Variants in LTBP2 observed in about 807,000 individuals in gnomAD.
LTBP2 encodes the protein latent-transforming growth factor beta-binding protein 2.
In LTBP2, 103 loss-of-function variants were observed where a neutral mutation model predicts 210.6. The observed-to-expected ratio is 0.49, with a 90% confidence interval of 0.42 to 0.58. The LOEUF is 0.58. LTBP2 is among the 20% of genes least tolerant of loss of function. The pLI, the probability that LTBP2 is intolerant of heterozygous loss-of-function variation, is 0.00. For synonymous variants in LTBP2, 1,007 were observed against 1,015.0 expected (o/e 0.99, Z 0.15); for missense variants, 2,313 against 2,494.5 (o/e 0.93, Z 1.55).
chr14:74,523,407 T>C (rs572973156), intron 15 of LTBP2, among the ~76,000 whole-genome samples: 1 of 151,976 alleles, frequency 6.6e-6, no homozygotes, highest in Non-Finnish European at 1.5e-5. Flanking sequence ...GAGACTGGCC[T>C]GTAACAAGGA....
intron 9 of LTBP2, among the ~76,000 whole-genome samples, chr14:74,535,278 A>T (rs986383566): frequency 6.6e-6 from 1 of 152,222 alleles, no homozygotes; most frequent in Admixed American, 6.5e-5. Context: ...CTTGGAGGCC[A>T]TCTGGGTCAA....
intron 10 of LTBP2, among the ~76,000 whole-genome samples, chr14:74,532,194 G>A (rs201232140): frequency 3.3e-5 from 5 of 152,184 alleles, no homozygotes; most frequent in African/African-American, 1.2e-4. Context: ...GCAAAGGCCC[G>A]GAAAAAATGC....
At chr14:74,546,815 C>T (rs897828654) in intron 8 of LTBP2, among the ~76,000 whole-genome samples, 3 of 152,276 alleles carry the variant, frequency 2.0e-5, no homozygotes, top group African/African-American at 7.2e-5. Flanking sequence ...GTGGGCTGAG[C>T]TCTCAAGGCT....
At position 74,528,991 on chromosome 14, in the gene LTBP2, T is replaced by G. The variant is rs145201197; in HGVS notation, c.2119A>C (p.Ser707Arg). 40 of 1,609,806 alleles carry G rather than the reference T, an allele frequency of 2.5e-5. No individual in the cohort carries two copies. The Middle Eastern group carries it at 8.3e-4, about 33-fold the overall frequency. Reference protein sequence around the residue: ...CCSRVGKAWGSECEKCPLPGT... With the variant: ...CCSRVGKAWGRECEKCPLPGT... Reference sequence around the variant, plus strand: ...GGCAGAGGGCATTTCTCACACTCGCTGCCCCATGCTTTGCCCACGCGGCTG... The same window carrying G: ...GGCAGAGGGCATTTCTCACACTCGCGGCCCCATGCTTTGCCCACGCGGCTG... Residue 707 changes from serine to arginine, a missense_variant, in exon 11 of 36, where the codon AGC becomes CGC. Around this residue, in one of 3 missense-constraint regions of LTBP2, gnomAD observed 1,867 missense variants for 1,976.9 expected, o/e 0.94. Transcript: ENST00000261978.
At chr14:74,511,115 G>T (rs1415849322) in intron 19 of LTBP2, 130 bp downstream of exon 19, 3 of 1,451,276 alleles carry the variant, frequency 2.1e-6, no homozygotes, top group Non-Finnish European at 2.9e-6. Flanking sequence ...TGGGAACCCA[G>T]CTAGATCATG....
At chr14:74,536,774 A>C (rs1439569771) in intron 8 of LTBP2, among the ~76,000 whole-genome samples, 1 of 152,206 alleles carries the variant, frequency 6.6e-6, no homozygotes, top group Non-Finnish European at 1.5e-5. Context: ...TGAACCCAGG[A>C]GGGGGAGGTC....
At chr14:74,527,979 T>C (rs2139717795) in intron 12 of LTBP2, among the ~76,000 whole-genome samples, 1 of 152,348 alleles carries the variant, frequency 6.6e-6, no homozygotes, top group African/African-American at 2.4e-5. Context: ...TGGGCATGAC[T>C]TCTCCATGGT....
At chr14:74,564,120 TATA>T (rs2087843387) in intron 3 of LTBP2, among the ~76,000 whole-genome samples, 1 of 53,322 alleles carries the variant, frequency 1.9e-5, no homozygotes, top group South Asian at 5.8e-4. Context: ...TTTATATATA[TATA>T]TTTATATATA....
At chr14:74,537,943 C>T (rs2087443994) in intron 8 of LTBP2, among the ~76,000 whole-genome samples, 1 of 152,120 alleles carries the variant, frequency 6.6e-6, no homozygotes, top group African/African-American at 2.4e-5. Flanking sequence ...TTAGTAGAGA[C>T]AGGGTTTCAC....
intron 2 of LTBP2, among the ~76,000 whole-genome samples, chr14:74,589,124 G>C (rs2088247959): frequency 6.6e-6 from 1 of 152,204 alleles, no homozygotes; most frequent in Non-Finnish European, 1.5e-5. Flanking sequence ...AGCCCACACA[G>C]AATTTTTAAA....
chr14:74,565,421 A>G lies in LTBP2; in HGVS notation c.831-9728T>C, dbSNP rs552115732. On this transcript the variant is annotated intron_variant, in intron 3 of 35. Transcript: ENST00000261978. The stretch of plus-strand genomic sequence containing the variant: ...GAGAGGCGAGCTGGAGGCCAGCTGG[A>G]AGGCTTTGGCTGTGGTCTAGGCTAT... Among the ~76,000 whole-genome samples, 3 of 152,296 alleles carry G rather than the reference A, an allele frequency of 2.0e-5. No individual in the cohort carries two copies. In the South Asian group the frequency reaches 6.2e-4, roughly 32 times the overall value.
At chr14:74,527,467 C>T in intron 12 of LTBP2, 101 bp from the exon 13 acceptor site, 4 of 1,281,038 alleles carry the variant, frequency 3.1e-6, no homozygotes, top group Admixed American at 2.0e-5. Flanking sequence ...CCCCAGACCA[C>T]ATCCCCAGCA....
chr14:74,610,171 T>C (rs998847510), intron 1 of LTBP2, among the ~76,000 whole-genome samples: 3 of 152,224 alleles, frequency 2.0e-5, no homozygotes, highest in African/African-American at 4.8e-5. Flanking sequence ...CTTGCATTAG[T>C]GTGGGCTGGG....
chr14:74,498,200 TA>T lies in LTBP2; in HGVS notation c.*2683del, dbSNP rs1170402168. The T allele has an allele frequency of 5.7e-6, 1 of 175,116 alleles. No individual in the cohort carries two copies. The highest frequency in any genetic ancestry group is 1.2e-5 in the Non-Finnish European group (1 of 81,166). The allele number at this position is 175,116 out of a possible 1,614,324, so 10.8% of individuals were successfully genotyped here. ...CCAGCAACTGTATTTAAAAATATTT[TA>T]TTTTTTTTGAATAGGTGATACATAT... is the stretch of plus-strand genomic sequence containing the variant. On this transcript the variant is annotated 3_prime_UTR_variant, in exon 36 of 36. Coordinates refer to ENST00000261978, the MANE Select transcript of LTBP2 (RefSeq NM_000428.3).
intron 8 of LTBP2, among the ~76,000 whole-genome samples, chr14:74,546,605 C>T (rs78958268): frequency 1.1e-3 from 165 of 152,336 alleles, no homozygotes; most frequent in African/African-American, 3.9e-3. Context: ...GTTCTGAACA[C>T]AGTAGGGGAG....
chr14:74,568,468 A>G (rs1031678449), intron 3 of LTBP2, among the ~76,000 whole-genome samples: 3 of 152,056 alleles, frequency 2.0e-5, no homozygotes, highest in African/African-American at 7.2e-5. Flanking sequence ...GAGAGCCACA[A>G]GCATAAACGG....
chr14:74,587,793 C>T (rs544361895), intron 2 of LTBP2, among the ~76,000 whole-genome samples: 7 of 152,288 alleles, frequency 4.6e-5, no homozygotes, highest in African/African-American at 1.7e-4. Flanking sequence ...AGAATCCAAA[C>T]CAGGGGCTGG....
chr14:74,526,827 A>G (rs1328214929), intron 13 of LTBP2, among the ~76,000 whole-genome samples: 1 of 152,200 alleles, frequency 6.6e-6, no homozygotes, highest in Non-Finnish European at 1.5e-5. Context: ...GACGACACCC[A>G]GGTTTTCCCA....
intron 30 of LTBP2, 49 bp downstream of exon 30, chr14:74,504,729 A>C: frequency 1.9e-6 from 3 of 1,553,830 alleles, no homozygotes; most frequent in Non-Finnish European, 2.7e-6. Flanking sequence ...GGAGCAGGCT[A>C]GGGCCCACTC....
Sources: allele counts gnomAD v4.1 joint callset (sites outside exome capture counted in the v4.1 genomes callset), GRCh38; gene constraint gnomAD v4.1.1; regional missense constraint gnomAD v4.1.1; transcripts MANE v1.5; gene names NCBI Gene and HGNC (gene_info 2026-07-23, HGNC 2026-07-21).